Variants in KIAA0825 observed in about 807,000 individuals in gnomAD.
KIAA0825 encodes uncharacterized protein KIAA0825.
In KIAA0825, 119 loss-of-function variants were observed where a neutral mutation model predicts 147.6. The observed-to-expected ratio is 0.81, with a 90% CI of 0.69 to 0.94. KIAA0825 has a LOEUF of 0.94. Ranked by LOEUF, KIAA0825 falls within the 40% of genes least tolerant of loss-of-function variation. The pLI is 0.00. For synonymous variants in KIAA0825, 470 were observed against 518.1 expected, an observed-to-expected ratio of 0.91 and a Z score of 1.26; for missense variants, 1,381 against 1,472.7, an observed-to-expected ratio of 0.94 and a Z score of 1.02.
At chr5:94,394,866 T>C (rs185499159) in intron 17 of KIAA0825, among the ~76,000 whole-genome samples, 1 of 152,242 alleles carries the variant, frequency 6.6e-6, no homozygotes, top group African/African-American at 2.4e-5. Context: ...TTGCCACCCA[T>C]GGGACACTCC....
intron 12 of KIAA0825, among the ~76,000 whole-genome samples, chr5:94,457,815 C>A (rs777838792): frequency 1.3e-5 from 2 of 152,126 alleles, no homozygotes; most frequent in South Asian, 2.1e-4. Context: ...CCAGGAGAAA[C>A]GGGTCTCATA....
intron 20 of KIAA0825, among the ~76,000 whole-genome samples, chr5:94,168,257 G>A (rs1768249165): frequency 1.3e-5 from 2 of 151,984 alleles, no homozygotes; most frequent in South Asian, 4.1e-4. Context: ...AGCTATTTCT[G>A]CAAGAATTCA....
intron 20 of KIAA0825, among the ~76,000 whole-genome samples, chr5:94,249,608 A>T (rs1000372810): frequency 1.3e-5 from 2 of 151,912 alleles, no homozygotes; most frequent in Admixed American, 6.6e-5. Context: ...ATTCATTCCC[A>T]CCCCAGGGCT....
intron 20 of KIAA0825, among the ~76,000 whole-genome samples, chr5:94,317,753 GA>G (rs1328853011): frequency 6.6e-6 from 1 of 151,640 alleles, no homozygotes; most frequent in Non-Finnish European, 1.5e-5. Flanking sequence ...AGATAAATAC[GA>G]ATGTGCTTTA....
At chr5:94,336,182 C>A (rs866537586) in intron 20 of KIAA0825, among the ~76,000 whole-genome samples, 3 of 151,654 alleles carry the variant, frequency 2.0e-5, no homozygotes, top group African/African-American at 7.3e-5. Flanking sequence ...CCAGCCTAGC[C>A]GACATGGTGA....
chr5:94,372,517 C>A (rs1308500524), intron 20 of KIAA0825, among the ~76,000 whole-genome samples: 1 of 152,210 alleles, frequency 6.6e-6, no homozygotes, highest in Non-Finnish European at 1.5e-5. Context: ...TGGGCTTGCA[C>A]CCTCTGAAGC....
At chr5:94,271,268 G>C (rs1038832707) in intron 20 of KIAA0825, among the ~76,000 whole-genome samples, 6 of 151,860 alleles carry the variant, frequency 4.0e-5, no homozygotes, top group Non-Finnish European at 8.8e-5. Context: ...GGACAAATGG[G>C]ATCACATCAA....
At chr5:94,263,176 A>G (rs1363915884) in intron 20 of KIAA0825, among the ~76,000 whole-genome samples, 2 of 152,222 alleles carry the variant, frequency 1.3e-5, no homozygotes, top group Admixed American at 1.3e-4. Context: ...CCAGAAAAAA[A>G]ATAGCATAGG....
At chr5:94,212,100 A>T (rs2150046113) in intron 20 of KIAA0825, among the ~76,000 whole-genome samples, 1 of 152,308 alleles carries the variant, frequency 6.6e-6, no homozygotes, top group African/African-American at 2.4e-5. Flanking sequence ...TGATTTCAAC[A>T]TATACTTGTG....
intron 20 of KIAA0825, among the ~76,000 whole-genome samples, chr5:94,341,408 G>A (rs190225364): frequency 6.6e-6 from 1 of 152,280 alleles, no homozygotes. Flanking sequence ...CATCATCATC[G>A]CTGCTATCTC....
chr5:94,398,402 C>T (rs1750950725), intron 16 of KIAA0825, among the ~76,000 whole-genome samples: 2 of 151,922 alleles, frequency 1.3e-5, no homozygotes, highest in Admixed American at 6.6e-5. Flanking sequence ...CCTTTAAGAC[C>T]TTTAACATGC....
chr5:94,295,186 T>C (rs188213688), intron 20 of KIAA0825, among the ~76,000 whole-genome samples: 230 of 152,038 alleles, frequency 1.5e-3, no homozygotes, highest in African/African-American at 5.4e-3. Context: ...CAGTCTCTGA[T>C]ATCCTTTCTT....
At chr5:94,298,066 G>A (rs1778219475) in intron 20 of KIAA0825, among the ~76,000 whole-genome samples, 1 of 151,000 alleles carries the variant, frequency 6.6e-6, no homozygotes, top group East Asian at 2.0e-4. Context: ...CCAACATAGT[G>A]AAAACCCGTC....
chr5:94,577,914 A>C (rs1781368822), intron 2 of KIAA0825, among the ~76,000 whole-genome samples: 1 of 152,258 alleles, frequency 6.6e-6, no homozygotes, highest in Non-Finnish European at 1.5e-5. Flanking sequence ...CATACTGTTA[A>C]CACATTCCAT....
intron 20 of KIAA0825, among the ~76,000 whole-genome samples, chr5:94,182,656 T>A (rs1215983011): frequency 6.6e-6 from 1 of 152,168 alleles, no homozygotes; most frequent in African/African-American, 2.4e-5. Context: ...TTTGAAATAC[T>A]TTTATGATAA....
intron 5 of KIAA0825, among the ~76,000 whole-genome samples, chr5:94,501,048 A>C (rs955276514): frequency 6.6e-6 from 1 of 151,610 alleles, no homozygotes; most frequent in South Asian, 2.1e-4. Flanking sequence ...GAGCCACTGC[A>C]CCCGCCTCTT....
chr5:94,593,926 A>T (rs1405499722), intron 1 of KIAA0825: 3 of 436,166 alleles, frequency 6.9e-6, no homozygotes, highest in Admixed American at 5.9e-5. Context: ...CCAGAATTGA[A>T]GCAGTTTTAC....
intron 1 of KIAA0825, among the ~76,000 whole-genome samples, chr5:94,610,793 A>C (rs1319226562): frequency 7.2e-6 from 1 of 139,336 alleles, no homozygotes; most frequent in Non-Finnish European, 1.5e-5. Flanking sequence ...AAAAGTATAT[A>C]TATATATATA....
At chr5:94,217,076 T>G (rs1220635469) in intron 20 of KIAA0825, among the ~76,000 whole-genome samples, 2 of 152,132 alleles carry the variant, frequency 1.3e-5, no homozygotes, top group African/African-American at 4.8e-5. Context: ...TTTCAAAGGA[T>G]TTTTTTCTCT....
Sources: allele counts gnomAD v4.1 joint callset (sites outside exome capture counted in the v4.1 genomes callset), GRCh38; gene constraint gnomAD v4.1.1; transcripts MANE v1.5; gene names NCBI Gene and HGNC (gene_info 2026-07-23, HGNC 2026-07-21).